Variants in TMEM132D observed in about 807,000 individuals in gnomAD.
The protein encoded by TMEM132D is transmembrane protein 132D.
A neutral mutation model predicts 62.3 loss-of-function variants in TMEM132D; 21 were observed. The ratio of observed to expected loss-of-function variants is 0.34; its 90% CI spans 0.24 to 0.49. The LOEUF (loss-of-function observed/expected upper bound fraction) is 0.49, where lower values mean the gene tolerates loss of function less well. TMEM132D is among the 20% of genes least tolerant of loss of function. The pLI is 0.99. For synonymous variants in TMEM132D, 621 were observed against 575.6 expected, an observed-to-expected ratio of 1.08 and a Z score of -1.13; for missense variants, 1,346 against 1,402.8, an observed-to-expected ratio of 0.96 and a Z score of 0.65.
chr12:129,378,274 C>T (rs114687148), intron 3 of TMEM132D, among the ~76,000 whole-genome samples: 3,387 of 152,266 alleles, frequency 0.022, 116 homozygotes, highest in African/African-American at 0.077. Flanking sequence ...TAGAGGCAGG[C>T]GAGGCCAGCC....
At chr12:129,751,427 C>T (rs1869997223) in intron 1 of TMEM132D, among the ~76,000 whole-genome samples, 1 of 152,202 alleles carries the variant, frequency 6.6e-6, no homozygotes, top group African/African-American at 2.4e-5. Flanking sequence ...CCTCCCCTGA[C>T]ATGGGGGGAT....
intron 1 of TMEM132D, among the ~76,000 whole-genome samples, chr12:129,724,379 A>C (rs1353981386): frequency 6.6e-6 from 1 of 152,232 alleles, no homozygotes; most frequent in Non-Finnish European, 1.5e-5. Flanking sequence ...GAAGAAAAGA[A>C]GGAAACAGAT....
chr12:129,194,358 C>T (rs551267641), intron 5 of TMEM132D, among the ~76,000 whole-genome samples: 4 of 152,316 alleles, frequency 2.6e-5, no homozygotes, highest in South Asian at 4.1e-4. Flanking sequence ...TACCCAACAA[C>T]AGAAATCCAA....
intron 1 of TMEM132D, among the ~76,000 whole-genome samples, chr12:129,716,129 G>A (rs902505462): frequency 5.9e-5 from 9 of 152,312 alleles, no homozygotes; most frequent in African/African-American, 1.9e-4. Flanking sequence ...CAGAATCTGG[G>A]GGAATTTCAG....
intron 3 of TMEM132D, among the ~76,000 whole-genome samples, chr12:129,412,793 C>T (rs1872006406): frequency 6.6e-6 from 1 of 152,142 alleles, no homozygotes; most frequent in South Asian, 2.1e-4. Flanking sequence ...GCAGAGGTTG[C>T]AGTGAGCCAA....
intron 1 of TMEM132D, among the ~76,000 whole-genome samples, chr12:129,807,224 A>G (rs1260382942): frequency 2.6e-5 from 4 of 152,176 alleles, no homozygotes; most frequent in South Asian, 2.1e-4. Context: ...CTACCCCTGT[A>G]GCCAGGACAA....
intron 2 of TMEM132D, among the ~76,000 whole-genome samples, chr12:129,684,903 G>T (rs1341485427): frequency 6.6e-6 from 1 of 152,134 alleles, no homozygotes; most frequent in African/African-American, 2.4e-5. Context: ...CTGCCTTAGA[G>T]ATCTGTGGAT....
chr12:129,226,990 C>T (rs973422869), intron 4 of TMEM132D, among the ~76,000 whole-genome samples: 5 of 152,026 alleles, frequency 3.3e-5, no homozygotes, highest in South Asian at 2.1e-4. Flanking sequence ...TCTTATTTAG[C>T]GTCAAGTTTC....
chr12:129,353,156 G>T (rs1869926073), intron 3 of TMEM132D, among the ~76,000 whole-genome samples: 1 of 137,576 alleles, frequency 7.3e-6, no homozygotes, highest in Admixed American at 7.8e-5. Context: ...TATCCTGGAA[G>T]ATTCCAACAT....
At chr12:129,196,339 T>C (rs1878552124) in intron 5 of TMEM132D, among the ~76,000 whole-genome samples, 1 of 152,216 alleles carries the variant, frequency 6.6e-6, no homozygotes, top group Admixed American at 6.5e-5. Context: ...GCAATCCTCA[T>C]GATTCCTTAT....
intron 2 of TMEM132D, among the ~76,000 whole-genome samples, chr12:129,577,443 T>G (rs1370251352): frequency 6.7e-6 from 1 of 148,800 alleles, no homozygotes; most frequent in Non-Finnish European, 1.5e-5. Flanking sequence ...TATATTTATA[T>G]AAATAAAATA....
intron 2 of TMEM132D, among the ~76,000 whole-genome samples, chr12:129,535,777 C>CGTGTGTGTGTGTGTGT (rs779067793): frequency 6.7e-5 from 5 of 74,672 alleles, no homozygotes; most frequent in Admixed American, 4.4e-4. Context: ...GATTTGTGTG[C>CGTGTGTGTGTGTGTGT]GTGTGTGTGT....
At chr12:129,668,643 C>T (rs7306704) in intron 2 of TMEM132D, among the ~76,000 whole-genome samples, 35,883 of 151,910 alleles carry the variant, frequency 0.24, 4,606 homozygotes, top group African/African-American at 0.32. Flanking sequence ...TAAAATATAC[C>T]CCTGTGAACA....
At chr12:129,398,300 C>G (rs4505131) in intron 3 of TMEM132D, among the ~76,000 whole-genome samples, 33,722 of 152,088 alleles carry the variant, frequency 0.22, 3,903 homozygotes, top group South Asian at 0.38. Flanking sequence ...GCCTGTTTTC[C>G]TCCCTGTGAA....
At chr12:129,149,412 A>C (rs956492855) in intron 5 of TMEM132D, among the ~76,000 whole-genome samples, 3 of 152,180 alleles carry the variant, frequency 2.0e-5, no homozygotes, top group African/African-American at 7.2e-5. Flanking sequence ...TGCCCCTGAA[A>C]AGTAGAGCTC....
chr12:129,371,407 TGATGATGATGGTGATAATGGA>T lies in TMEM132D; in HGVS notation c.1116-33611_1116-33591del, dbSNP rs1870596438. Reference sequence around the variant, plus strand: ...TGAATGATGATGGTGGTGATTATGATGATGATGATGGTGATAATGGAGATGATGATGATGTGATATTGATGA... The same window carrying T: ...TGAATGATGATGGTGGTGATTATGATGATGATGATGATGTGATATTGATGA... On this transcript the variant is annotated intron_variant, in intron 3 of 8. Coordinates refer to ENST00000422113, the MANE Select transcript of TMEM132D (RefSeq NM_133448.3). The surrounding 1 kb of genome is among the most constrained non-coding windows in gnomAD (Gnocchi z 4.3). 1.3e-5 allele frequency among the ~76,000 whole-genome samples: 2 copies of T among 151,678 alleles called. No individual in the cohort carries two copies. Among genetic ancestry groups the T allele is most frequent in the African/African-American group, 4.8e-5 (2 of 41,258 alleles).
At chr12:129,104,798 A>G (rs1157328685) in intron 5 of TMEM132D, among the ~76,000 whole-genome samples, 3 of 148,560 alleles carry the variant, frequency 2.0e-5, no homozygotes, top group South Asian at 2.1e-4. Flanking sequence ...AAAAATGCTC[A>G]TCATCACTGG....
chr12:129,154,785 T>C (rs533935481), intron 5 of TMEM132D, among the ~76,000 whole-genome samples: 1 of 152,336 alleles, frequency 6.6e-6, no homozygotes, highest in Non-Finnish European at 1.5e-5. Flanking sequence ...AGCTAGAGTC[T>C]GTTGGTTCTC....
intron 3 of TMEM132D, among the ~76,000 whole-genome samples, chr12:129,491,061 A>G (rs781333427): frequency 1.3e-5 from 2 of 152,130 alleles, no homozygotes; most frequent in Non-Finnish European, 2.9e-5. Context: ...TCCCAACTCT[A>G]AAAGTACCAA....
Sources: gnomAD v4.1 joint callset for allele counts (sites outside exome capture counted in the v4.1 genomes callset) on GRCh38, gnomAD v4.1.1 for gene constraint, Gnocchi (gnomAD v3.1) non-coding constraint, MANE v1.5 for transcripts, NCBI Gene and HGNC (gene_info 2026-07-23, HGNC 2026-07-21) for gene names.